Variants in LAMA5 observed in about 807,000 individuals in gnomAD.
The protein encoded by LAMA5 is laminin subunit alpha 5.
Under a neutral mutation model 433.4 loss-of-function variants are expected in LAMA5, and 260 were observed. The ratio of observed to expected loss-of-function variants is 0.60; its 90% confidence interval spans 0.54 to 0.66. The LOEUF (loss-of-function observed/expected upper bound fraction) is 0.66. LAMA5 is among the 30% of genes least tolerant of loss of function. The pLI is 0.00. For missense variants in LAMA5, 5,378 were observed against 5,258.5 expected, an observed-to-expected ratio of 1.02 and a Z score of -0.70; for synonymous variants, 2,620 against 2,226.6, an observed-to-expected ratio of 1.18 and a Z score of -4.97.
At position 62,338,212 on chromosome 20, in the gene LAMA5, C is replaced by G. The variant is rs750548718; in HGVS notation, c.1756+20G>C. Reference sequence around the variant, plus strand: ...CACGGGCCTCCCCTACCCACGCCCACGTGGAGAGGCACCACTCACACTGGC... The same window carrying G: ...CACGGGCCTCCCCTACCCACGCCCAGGTGGAGAGGCACCACTCACACTGGC... On this transcript the variant is annotated intron_variant, in intron 13 of 79. Coordinates refer to ENST00000252999, the MANE Select transcript of LAMA5 (RefSeq NM_005560.6). 9.5e-6 allele frequency: 15 copies of G among 1,580,106 alleles called. No homozygotes were observed. Among genetic ancestry groups the G allele is most frequent in the Non-Finnish European group, 1.2e-5 (14 of 1,160,094 alleles).
At position 62,314,911 on chromosome 20, in the gene LAMA5, G is replaced by A; in HGVS notation, c.8084C>T (p.Ala2695Val). 1.2e-6 allele frequency: 2 copies of A among 1,608,300 alleles called. No individual in the cohort carries two copies. The highest frequency in any genetic ancestry group is 1.7e-6 in the Non-Finnish European group (2 of 1,178,992). ...ACGGTTCTCCAGGATGCTCAGCTTG[G>A]CCAGCAGCTGGGGCAGCGTCTTCTC... ...TLEKTLPQLL[A>V]KLSILENRGV... The change falls in exon 60 of 80, where the codon GCC becomes GTC. Residue 2695 changes from alanine (A) to valine (V), a missense_variant. Physicochemically the swap from Ala to Val is moderately conservative, Grantham distance 64 (BLOSUM62 0). Transcript: ENST00000252999.
rs755136867 is a variant in LAMA5 at position 62,334,578 on chromosome 20, T to G, written c.2526A>C (p.Glu842Asp). Residue 842 changes from glutamate to aspartate, a missense_variant, in exon 21 of 80, where the codon GAA (glutamate) becomes GAC (aspartate). Transcript: ENST00000252999. ...DIGGALGQSC[E>D]PRTGVCRCRP... ...GGCACCGGCAGACGCCCGTCCTCGGTTCACAGCTCTGGCCCAGTGCACCGC... is the reference window on the plus strand; with the variant it reads ...GGCACCGGCAGACGCCCGTCCTCGGGTCACAGCTCTGGCCCAGTGCACCGC... 5 of 1,548,424 alleles carry G rather than the reference T, an allele frequency of 3.2e-6. No individual in the cohort carries two copies. In the Middle Eastern group the frequency reaches 5.1e-4, roughly 157 times the overall value.
At chr20:62,345,511 A>G (rs906445271) in intron 11 of LAMA5, 4 of 486,918 alleles carry the variant, frequency 8.2e-6, no homozygotes, top group South Asian at 1.8e-5. Flanking sequence ...GGCTCAAGCA[A>G]TCCTTCCACC....
At chr20:62,365,863 G>A (rs1986664021) in intron 1 of LAMA5, among the ~76,000 whole-genome samples, 1 of 152,156 alleles carries the variant, frequency 6.6e-6, no homozygotes, top group South Asian at 2.1e-4. Context: ...CCAGAAGCCT[G>A]GGGAGGCTCC....
chr20:62,312,087 G>A (rs748705465), intron 69 of LAMA5, 37 bp from the exon 70 acceptor site: 5 of 1,609,256 alleles, frequency 3.1e-6, no homozygotes, highest in Non-Finnish European at 4.2e-6. Flanking sequence ...CCGGCCTGGG[G>A]ACCCAGACTC....
At position 62,332,571 on chromosome 20, in the gene LAMA5, G is replaced by T. The variant is rs1447858824; in HGVS notation, c.3429C>A (p.His1143Gln). ...RAPQQGLLSLHPCLYSTLCRG... is the reference protein window; with the variant it reads ...RAPQQGLLSLQPCLYSTLCRG... ...CTCCCACTCACCTGTACAGGCAGGGGTGCAGGGAGAGCAGCCCCTGCTGGG... is the reference window on the plus strand; with the variant it reads ...CTCCCACTCACCTGTACAGGCAGGGTTGCAGGGAGAGCAGCCCCTGCTGGG... The change falls in exon 27 of 80, where the codon CAC becomes CAA. Residue 1143 changes from histidine to glutamine, a missense_variant. His to Gln is a conservative substitution (Grantham distance 24). Coordinates refer to ENST00000252999, the MANE Select transcript of LAMA5 (RefSeq NM_005560.6). 1.3e-6 allele frequency: 2 copies of T among 1,594,940 alleles called. No individual in the cohort carries two copies. Among genetic ancestry groups the T allele is most frequent in the Non-Finnish European group, 1.7e-6 (2 of 1,168,636 alleles).
rs1980642288 is a variant in LAMA5, at chr20:62,332,413, C to T, written c.3511G>A (p.Ala1171Thr). The change falls in exon 28 of 80, where the codon GCC becomes ACC. Residue 1171 changes from alanine (A) to threonine (T), a missense_variant. Ala to Thr is a moderately conservative substitution (Grantham distance 58, BLOSUM62 0). Transcript: ENST00000252999. The stretch of plus-strand genomic sequence containing the variant: ...TGTTCGGCTGTGAGCCTCACGCTGG[C>T]CTCCGAGTCCAGGTGGAAGACAGCC... ...HLAVFHLDSE[A>T]SVRLTAEQAR... 7 of 1,612,810 alleles carry T rather than the reference C, an allele frequency of 4.3e-6. No individual in the cohort carries two copies. Among genetic ancestry groups the T allele is most frequent in the Non-Finnish European group, 5.9e-6 (7 of 1,179,960 alleles).
Position 62,325,323 on chromosome 20 carries a change from G to A in LAMA5, c.5522C>T (p.Ser1841Leu), listed in dbSNP as rs752549072. 2.5e-6 allele frequency: 4 copies of A among 1,581,840 alleles called. No homozygotes were observed. Among genetic ancestry groups the A allele is most frequent in the Admixed American group, 3.5e-5 (2 of 57,690 alleles). The change falls in exon 41 of 80, where the codon TCA becomes TTA. Residue 1841 changes from serine (S) to leucine (L), a missense_variant. Transcript: ENST00000252999. ...CLCPASYRGD[S>L]CQECAPGFYR... ...GTGCTGTCCTAACCTCACCTGGCAT[G>A]AGTCCCCCCGGTAGCTGGCGGGGCA...
chr20:62,341,801 C>T lies in LAMA5; in HGVS notation c.1478-3193G>A, dbSNP rs115698380. Among the ~76,000 whole-genome samples, 1,285 of 139,840 alleles carry T rather than the reference C, an allele frequency of 9.2e-3. 18 individuals are homozygous for T. The highest frequency in any genetic ancestry group is 0.034 in the African/African-American group (1,156 of 34,446). 91.7% of individuals were successfully genotyped at this position (139,840 alleles called of 152,430 possible). Reference sequence around the variant, plus strand: ...ACTTCGAACAGACCAATAAACTCAACGAACCTCTGTTAGGTCTGATCAACC... The same window carrying T: ...ACTTCGAACAGACCAATAAACTCAATGAACCTCTGTTAGGTCTGATCAACC... On this transcript the variant is annotated intron_variant, in intron 11 of 79. Transcript: ENST00000252999.
chr20:62,352,052 G>C lies in LAMA5; in HGVS notation c.715C>G (p.Pro239Ala). Residue 239 changes from proline to alanine, a missense_variant, in exon 5 of 80, where the codon CCG becomes GCG. Physicochemically the swap from Pro to Ala is conservative, Grantham distance 27 (BLOSUM62 -1). Coordinates refer to ENST00000252999, the MANE Select transcript of LAMA5 (RefSeq NM_005560.6). ...GAGTAGGAGAAATTCATGGCGCCCG[G>C]ACGTCCGTTCACCAGGGACACCACG... ...EIVVSLVNGRPGAMNFSYSPL... is the reference protein window; with the variant it reads ...EIVVSLVNGRAGAMNFSYSPL... 6.2e-7 allele frequency: 1 copy of C among 1,612,338 alleles called. No homozygotes were observed. The highest frequency in any genetic ancestry group is 8.5e-7 in the Non-Finnish European group (1 of 1,179,890).
At position 62,335,241 on chromosome 20, in the gene LAMA5, C is replaced by T; in HGVS notation, c.2352G>A (p.Leu784=). The T allele has an allele frequency of 1.2e-6, 2 of 1,612,656 alleles. No individual in the cohort carries two copies. The highest frequency in any genetic ancestry group is 1.7e-6 in the Non-Finnish European group (2 of 1,179,556). The change falls in exon 19 of 80, where the codon CTG becomes CTA. Residue 784 remains leucine, a synonymous_variant. Coordinates refer to ENST00000252999, the MANE Select transcript of LAMA5 (RefSeq NM_005560.6). The part of the protein sequence containing the change: ...TRCSCDLRGT[L]GGVAECQPGT... ...CCGGCTGGCACTCAGCAACTCCACC[C>T]AGTGTGCCCCTGAGGTCGCAGCTGC...
rs962194010 is a variant in LAMA5 at position 62,324,052 on chromosome 20, G to A, written c.5768+28C>T. ...GTGAAGGGAGCCTGGCACCATCAGG[G>A]CCTCGTCCCGGGAGGAGGCTGGCTT... On this transcript the variant is annotated intron_variant, in intron 43 of 79. Coordinates refer to ENST00000252999, the MANE Select transcript of LAMA5 (RefSeq NM_005560.6). This position sits in a 1 kb window ranked among gnomAD's most constrained non-coding sequence, Gnocchi z 4.4. 1.4e-5 allele frequency: 21 copies of A among 1,487,848 alleles called. No individual in the cohort carries two copies. The highest frequency in any genetic ancestry group is 1.8e-5 in the Non-Finnish European group (20 of 1,121,870). 92.2% of individuals were successfully genotyped at this position (1,487,848 alleles called of 1,614,324 possible).
Position 62,320,627 on chromosome 20 carries a change from G to A in LAMA5, c.6691C>T (p.Gln2231Ter). The A allele has an allele frequency of 1.2e-6, 2 of 1,610,006 alleles. No individual in the cohort carries two copies. The highest frequency in any genetic ancestry group is 1.7e-6 in the Non-Finnish European group (2 of 1,179,104). ...SPLGPRHETA[Q>*]QLEVLEQQST... is the part of the protein sequence containing the mutation. Reference sequence around the variant, plus strand: ...TGCTGCTCCAGCACCTCCAGCTGCTGTGCCGTCTCATGGCGGGGGCCCAGG... The same window carrying A: ...TGCTGCTCCAGCACCTCCAGCTGCTATGCCGTCTCATGGCGGGGGCCCAGG... The change falls in exon 50 of 80, where the codon CAG (glutamine) becomes TAG (stop). Residue 2231 changes from glutamine to a stop codon, truncating the protein, a stop_gained. Coordinates refer to ENST00000252999, the MANE Select transcript of LAMA5 (RefSeq NM_005560.6). LOFTEE classifies it high-confidence loss of function.
At position 62,346,740 on chromosome 20, in the gene LAMA5, C is replaced by A; in HGVS notation, c.1133G>T (p.Arg378Leu). 6.2e-7 allele frequency: 1 copy of A among 1,613,140 alleles called. No homozygotes were observed. Among genetic ancestry groups the A allele is most frequent in the Admixed American group, 1.7e-5 (1 of 60,002 alleles). The change falls in exon 8 of 80, where the codon CGC becomes CTC. Residue 378 changes from arginine (R) to leucine (L), a missense_variant. Transcript: ENST00000252999. ...GGTGCCATCCAGGCTCTGGCTGGCG[C>A]GGCGCCGGTCCACCTCAGGGTCGTA... ...CYYDPEVDRR[R>L]ASQSLDGTYQ... is the part of the protein sequence containing the mutation.
In LAMA5 at chr20:62,311,491, G is replaced by A. The variant is rs1016611336; in HGVS notation, c.9852C>T (p.Gly3284=). The change falls in exon 72 of 80, where the codon GGC becomes GGT. Residue 3284 remains glycine (G), a synonymous_variant. Coordinates refer to ENST00000252999, the MANE Select transcript of LAMA5 (RefSeq NM_005560.6). ...CACAGCCCGTGCTCACATTGACGCT[G>A]CCCAGGTTCTGCTGCAGATCAAATA... ...QRVFDLQQNL[G]SVNVSTGCAP... 19 of 1,610,838 alleles carry A rather than the reference G, an allele frequency of 1.2e-5. No homozygotes were observed. Among genetic ancestry groups the A allele is most frequent in the Non-Finnish European group, 1.5e-5 (18 of 1,179,036 alleles).
Position 62,322,291 on chromosome 20 carries a change from C to A in LAMA5, c.6324G>T (p.Gly2108=). 1.3e-6 allele frequency: 2 copies of A among 1,598,408 alleles called. No individual in the cohort carries two copies. The highest frequency in any genetic ancestry group is 8.5e-7 in the Non-Finnish European group (1 of 1,175,220). The change falls in exon 47 of 80, where the codon GGG becomes GGT. Residue 2108 remains glycine (G), a synonymous_variant. Coordinates refer to ENST00000252999, the MANE Select transcript of LAMA5 (RefSeq NM_005560.6). ...CACGCCTGCAGCCCTGCTCAGGGAG[C>A]CCCCAGTAGCCAGGGGCACACTCGC... ...QCRECAPGYW[G]LPEQGCRRCQ...
Position 62,338,511 on chromosome 20 carries a change from A to G in LAMA5, c.1575T>C (p.His525=), listed in dbSNP as rs750930337. 4 of 1,610,002 alleles carry G rather than the reference A, an allele frequency of 2.5e-6. No homozygotes were observed. Among genetic ancestry groups the G allele is most frequent in the South Asian group, 2.2e-5 (2 of 90,288 alleles). ...CLCKPNFQGT[H]CELCAPGFYG... is the part of the protein sequence containing the mutation. ...AGAACCCTGGCGCGCAGAGCTCACA[A>G]TGGGTGCCTTGGAAGTTGGGTTTGC... The change falls in exon 12 of 80, where the codon CAT becomes CAC. Residue 525 remains histidine, a synonymous_variant. Transcript: ENST00000252999.
In LAMA5 at chr20:62,359,762, G is replaced by C. The variant is rs1253311097; in HGVS notation, c.450+2638C>G. Among the ~76,000 whole-genome samples, 4 of 151,992 alleles carry C rather than the reference G, an allele frequency of 2.6e-5. No homozygotes were observed. Among genetic ancestry groups the C allele is most frequent in the Middle Eastern group, 3.2e-3 (1 of 316 alleles). The stretch of plus-strand genomic sequence containing the variant: ...CCAGGAGCCCAGCTGGCACTCCCGG[G>C]GGCCCAGGCTCAGCTGCTTCTGGGT... On this transcript the variant is annotated intron_variant, in intron 2 of 79. Coordinates refer to ENST00000252999, the MANE Select transcript of LAMA5 (RefSeq NM_005560.6). This position sits in a 1 kb window ranked among gnomAD's most constrained non-coding sequence, Gnocchi z 4.3.
chr20:62,322,619 G>GGGC, intron 46 of LAMA5, 39 bp downstream of exon 46: 1 of 1,421,634 alleles, frequency 7.0e-7, no homozygotes, highest in Non-Finnish European at 9.6e-7. Context: ...CTAGTCCCTA[G>GGGC]GCCCCACCCA....
Sources: allele counts gnomAD v4.1 joint callset (sites outside exome capture counted in the v4.1 genomes callset), GRCh38; gene constraint gnomAD v4.1.1; non-coding constraint Gnocchi (gnomAD v3.1); transcripts MANE v1.5; gene names NCBI Gene and HGNC (gene_info 2026-07-23, HGNC 2026-07-21).